The following FNDC3B variants were observed in gnomAD, a reference collection of about 807,000 sequenced individuals.
FNDC3B encodes fibronectin type III domain-containing protein 3B.
A neutral mutation model predicts 151.5 loss-of-function variants in FNDC3B; 12 were observed. That is an observed-to-expected ratio of 0.08 (90% CI 0.05 to 0.13). The LOEUF is 0.13. Among genes scored for constraint, FNDC3B ranks in the 10% least tolerant of loss-of-function variants. FNDC3B has a pLI of 1.00. For synonymous variants in FNDC3B, 528 were observed against 549.0 expected, an observed-to-expected ratio of 0.96 and a Z score of 0.54; for missense variants, 1,214 against 1,505.3, an observed-to-expected ratio of 0.81 and a Z score of 3.20.
chr3:172,065,889 T>C (rs535129902), intron 1 of FNDC3B, among the ~76,000 whole-genome samples: 54 of 152,234 alleles, frequency 3.5e-4, no homozygotes, highest in Non-Finnish European at 2.1e-4. Flanking sequence ...AAATTGTTGC[T>C]TTAGAGTTAT....
At chr3:172,326,441 C>G (rs1414690259) in intron 11 of FNDC3B, among the ~76,000 whole-genome samples, 1 of 152,146 alleles carries the variant, frequency 6.6e-6, no homozygotes, top group East Asian at 1.9e-4. Context: ...ATTCGGCATG[C>G]TTTGTCTATA....
chr3:172,193,364 C>CTA (rs1185348714), intron 3 of FNDC3B, among the ~76,000 whole-genome samples: 1 of 118,538 alleles, frequency 8.4e-6, no homozygotes. Context: ...ACTGCTTTCT[C>CTA]TATAATTTTT....
chr3:172,158,167 A>T (rs1017229487), intron 3 of FNDC3B, among the ~76,000 whole-genome samples: 1 of 152,218 alleles, frequency 6.6e-6, no homozygotes, highest in Non-Finnish European at 1.5e-5. Context: ...TGTCTATGGT[A>T]GTCTTGTTAC....
intron 1 of FNDC3B, among the ~76,000 whole-genome samples, chr3:172,041,505 T>TAA (rs1300934544): frequency 7.4e-5 from 9 of 120,924 alleles, no homozygotes; most frequent in Non-Finnish European, 1.5e-4. Context: ...TTTTTTTTTT[T>TAA]AAATAAATGT....
chr3:172,203,721 A>G (rs1725276039), intron 3 of FNDC3B, among the ~76,000 whole-genome samples: 1 of 152,228 alleles, frequency 6.6e-6, no homozygotes, highest in African/African-American at 2.4e-5. Context: ...AATCCATCAT[A>G]CATTTCATAC....
chr3:172,387,663 C>A (rs973213730), intron 25 of FNDC3B, among the ~76,000 whole-genome samples: 2 of 152,056 alleles, frequency 1.3e-5, no homozygotes, highest in African/African-American at 4.8e-5. Context: ...CATACATGTA[C>A]CCATACCTCT....
intron 1 of FNDC3B, among the ~76,000 whole-genome samples, chr3:172,059,977 C>G (rs971152165): frequency 6.6e-6 from 1 of 152,208 alleles, no homozygotes; most frequent in Non-Finnish European, 1.5e-5. Context: ...ATCTTCCAGC[C>G]TTCAGCTTTA....
In FNDC3B at chr3:172,330,626, A is replaced by C; in HGVS notation, c.1465A>C (p.Thr489Pro). ...ACCAAGGCTGGTTCGAGCTGGCATC[A>C]CATGGGTCACGTTGCAGTGGAGTAA... ...SAPRLVRAGI[T>P]WVTLQWSKPE... is the part of the protein sequence containing the mutation. Residue 489 changes from threonine (T) to proline (P), a missense_variant, in exon 13 of 26, where the codon ACA becomes CCA. Thr to Pro is a conservative substitution (Grantham distance 38). This residue lies in a region of FNDC3B where 111 missense variants were observed against 96.8 expected (regional missense o/e 1.15). Coordinates refer to ENST00000415807, the MANE Select transcript of FNDC3B (RefSeq NM_022763.4). The C allele has an allele frequency of 6.2e-7, 1 of 1,614,206 alleles. No individual in the cohort carries two copies. The highest frequency in any genetic ancestry group is 8.5e-7 in the Non-Finnish European group (1 of 1,180,002).
rs763700991 is a variant in FNDC3B, at chr3:172,251,365, G to A, written c.614G>A (p.Arg205His). The A allele has an allele frequency of 1.1e-5, 17 of 1,613,882 alleles. No individual in the cohort carries two copies. Among genetic ancestry groups the A allele is most frequent in the African/African-American group, 9.4e-5 (7 of 74,854 alleles). Residue 205 changes from arginine to histidine, a missense_variant, in exon 6 of 26, where the codon CGC becomes CAC. Physicochemically the swap from Arg to His is conservative, Grantham distance 29 (BLOSUM62 0). Coordinates refer to ENST00000415807, the MANE Select transcript of FNDC3B (RefSeq NM_022763.4). ...GACCGCCAGATCGATCGCCAGAACCGCCTCAACAGCCCTCCTTCTTCTATC... is the reference window on the plus strand; with the variant it reads ...GACCGCCAGATCGATCGCCAGAACCACCTCAACAGCCCTCCTTCTTCTATC... ...LKDRQIDRQN[R>H]LNSPPSSIYK...
intron 1 of FNDC3B, among the ~76,000 whole-genome samples, chr3:172,042,117 A>G (rs1716115393): frequency 6.6e-6 from 1 of 152,254 alleles, no homozygotes; most frequent in Non-Finnish European, 1.5e-5. Context: ...TTCATTTAAA[A>G]GATGCTAAAA....
At chr3:172,159,206 G>A (rs1282618681) in intron 3 of FNDC3B, among the ~76,000 whole-genome samples, 5 of 152,218 alleles carry the variant, frequency 3.3e-5, no homozygotes, top group African/African-American at 9.6e-5. Flanking sequence ...TTGAACCTGG[G>A]AGGCGGAGGT....
chr3:172,379,449 C>T lies in FNDC3B; in HGVS notation c.3175+1013C>T, dbSNP rs183095525. Among the ~76,000 whole-genome samples, 64 of 152,370 alleles carry T rather than the reference C, an allele frequency of 4.2e-4. No individual in the cohort carries two copies. In the Middle Eastern group the frequency reaches 0.014, roughly 32 times the overall value. ...CACAAAGTCAATTATAGGAACTTTC[C>T]AGGACCTGGGTCAGGATTTGGCTTG... On this transcript the variant is annotated intron_variant, in intron 24 of 25. Coordinates refer to ENST00000415807, the MANE Select transcript of FNDC3B (RefSeq NM_022763.4).
chr3:172,042,924 T>G (rs1342764756), intron 1 of FNDC3B, among the ~76,000 whole-genome samples: 7 of 151,492 alleles, frequency 4.6e-5, no homozygotes, highest in Admixed American at 4.6e-4. Context: ...AACCTCCGCC[T>G]TGCTGGTTGA....
At chr3:172,154,231 T>C (rs1722370737) in intron 3 of FNDC3B, among the ~76,000 whole-genome samples, 1 of 152,150 alleles carries the variant, frequency 6.6e-6, no homozygotes, top group Non-Finnish European at 1.5e-5. Flanking sequence ...GTTTCTTTTT[T>C]TTTGAGACAG....
intron 3 of FNDC3B, among the ~76,000 whole-genome samples, chr3:172,224,451 A>T (rs371430956): frequency 4.9e-4 from 75 of 152,304 alleles, no homozygotes; most frequent in African/African-American, 1.7e-3. Context: ...TAGTTGAGTG[A>T]TTTGGTATAT....
chr3:172,349,393 T>A (rs1733753904), intron 21 of FNDC3B, among the ~76,000 whole-genome samples: 1 of 152,270 alleles, frequency 6.6e-6, no homozygotes, highest in Non-Finnish European at 1.5e-5. Flanking sequence ...ACTGTTTTAA[T>A]TAAGTACCAA....
At chr3:172,169,772 G>A (rs555156898) in intron 3 of FNDC3B, among the ~76,000 whole-genome samples, 49 of 152,350 alleles carry the variant, frequency 3.2e-4, no homozygotes, top group African/African-American at 1.2e-3. Flanking sequence ...CACTGGATGA[G>A]TTACTTTGTT....
chr3:172,058,622 C>T (rs767233451), intron 1 of FNDC3B, among the ~76,000 whole-genome samples: 3 of 152,046 alleles, frequency 2.0e-5, no homozygotes, highest in Non-Finnish European at 4.4e-5. Context: ...ATCACATTTT[C>T]CCATGAAATA....
At chr3:172,290,928 G>T (rs1335566054) in intron 7 of FNDC3B, among the ~76,000 whole-genome samples, 4 of 152,096 alleles carry the variant, frequency 2.6e-5, no homozygotes, top group Admixed American at 6.6e-5. Flanking sequence ...AGATCAGTAG[G>T]CCTCCCACAT....
Sources: gnomAD v4.1 joint callset for allele counts (sites outside exome capture counted in the v4.1 genomes callset) on GRCh38, gnomAD v4.1.1 for gene constraint, gnomAD v4.1.1 regional missense constraint, MANE v1.5 for transcripts, NCBI Gene and HGNC (gene_info 2026-07-23, HGNC 2026-07-21) for gene names.